Variants in BCAP29 observed in about 807,000 individuals in gnomAD.
BCAP29 encodes B-cell receptor-associated protein 29.
A neutral mutation model predicts 31.8 loss-of-function variants in BCAP29; 34 were observed. The ratio of observed to expected loss-of-function variants is 1.07; its 90% CI spans 0.81 to 1.42. The LOEUF (loss-of-function observed/expected upper bound fraction) is 1.42, where lower values mean the gene tolerates loss of function less well. Among genes scored for constraint, BCAP29 ranks in the 40% most tolerant of loss-of-function variants. The pLI is 0.00. For missense variants in BCAP29, 314 were observed against 269.2 expected, an observed-to-expected ratio of 1.17 and a Z score of -1.16; for synonymous variants, 104 against 91.3, an observed-to-expected ratio of 1.14 and a Z score of -0.79.
At chr7:107,586,725 AT>A (rs1367069378) in intron 3 of BCAP29, among the ~76,000 whole-genome samples, 1 of 143,392 alleles carries the variant, frequency 7.0e-6, no homozygotes, top group African/African-American at 2.6e-5. Flanking sequence ...ATATGTATTT[AT>A]TCTTTTTTTT....
At chr7:107,589,226 C>G (rs1563127611) in intron 3 of BCAP29, among the ~76,000 whole-genome samples, 1 of 152,108 alleles carries the variant, frequency 6.6e-6, no homozygotes, top group Non-Finnish European at 1.5e-5. Flanking sequence ...TATGCAGGAG[C>G]AGGGGATGGT....
At position 107,618,312 on chromosome 7, in the gene BCAP29, AT is replaced by A. The variant is rs754067990; in HGVS notation, c.691-9del. The A allele has an allele frequency of 6.5e-7, 1 of 1,544,894 alleles. No individual in the cohort carries two copies. Among genetic ancestry groups the A allele is most frequent in the Admixed American group, 2.0e-5 (1 of 49,798 alleles). ...CTCTTTGCTGTACTACATAAATCAT[AT>A]TTTTTTCCTTACAGGATCGTTTAGA... On this transcript the variant is annotated splice_polypyrimidine_tract_variant and intron_variant, in intron 7 of 7. Transcript: ENST00000005259.
rs1323906168 is a variant in BCAP29, at chr7:107,618,945, T to C, written c.*582T>C. The C allele has an allele frequency of 6.2e-6, 1 of 160,644 alleles. No homozygotes were observed. Among genetic ancestry groups the C allele is most frequent in the Non-Finnish European group, 1.4e-5 (1 of 73,464 alleles). 10.0% of individuals were successfully genotyped at this position (160,644 alleles called of 1,614,324 possible). ...AATAAGATAGCTATATTGATAATTA[T>C]ATTTTTGTTACTGTGCCCTTGCACA... is the stretch of plus-strand genomic sequence containing the variant. On this transcript the variant is annotated 3_prime_UTR_variant, in exon 8 of 8. Transcript: ENST00000005259.
At position 107,619,079 on chromosome 7, in the gene BCAP29, A is replaced by G. The variant is rs1814670403; in HGVS notation, c.*716A>G. On this transcript the variant is annotated 3_prime_UTR_variant, in exon 8 of 8. Coordinates refer to ENST00000005259, the MANE Select transcript of BCAP29 (RefSeq NM_018844.4). ...TTACATATATTTGTATAACTGCTAT[A>G]CCACTGAACTGAATTTATTTTACAA... 2.6e-5 allele frequency: 4 copies of G among 152,642 alleles called. No homozygotes were observed. Among genetic ancestry groups the G allele is most frequent in the Non-Finnish European group, 5.9e-5 (4 of 68,046 alleles). 9.5% of individuals were successfully genotyped at this position (152,642 alleles called of 1,614,324 possible).
chr7:107,598,783 TGCC>T (rs1234220754), intron 5 of BCAP29, among the ~76,000 whole-genome samples: 2 of 151,506 alleles, frequency 1.3e-5, no homozygotes, highest in East Asian at 3.9e-4. Flanking sequence ...ATCAAGTTGC[TGCC>T]ACTGGCCAGG....
intron 4 of BCAP29, 38 bp downstream of exon 4, chr7:107,594,143 C>T: frequency 6.5e-7 from 1 of 1,530,160 alleles, no homozygotes; most frequent in Non-Finnish European, 9.0e-7. Flanking sequence ...AATTTAAAAA[C>T]ATGACTTATG....
intron 3 of BCAP29, among the ~76,000 whole-genome samples, 159 bp downstream of exon 3, chr7:107,584,141 A>C (rs907591829): frequency 2.0e-5 from 3 of 152,248 alleles, no homozygotes; most frequent in African/African-American, 7.2e-5. Flanking sequence ...CAGTTGATAG[A>C]TACTACCATT....
At chr7:107,590,393 C>A (rs75101089) in intron 3 of BCAP29, among the ~76,000 whole-genome samples, 3,793 of 152,274 alleles carry the variant, frequency 0.025, 166 homozygotes, top group African/African-American at 0.086. Flanking sequence ...AGGATATTTA[C>A]ACTCTGTTTA....
intron 3 of BCAP29, among the ~76,000 whole-genome samples, chr7:107,593,469 T>A (rs1809249296): frequency 6.6e-6 from 1 of 152,224 alleles, no homozygotes; most frequent in African/African-American, 2.4e-5. Flanking sequence ...GTTAACAAAC[T>A]TATGCCAGTG....
At chr7:107,596,078 A>G in intron 5 of BCAP29, 76 bp downstream of exon 5, 1 of 1,288,516 alleles carries the variant, frequency 7.8e-7, no homozygotes, top group Admixed American at 2.8e-5. Flanking sequence ...CAGCATCAAA[A>G]AGAGCATTTT....
At chr7:107,620,937 A>C (rs2129301240), downstream of BCAP29, 1 of 152,318 alleles carries the variant, frequency 6.6e-6, no homozygotes, top group East Asian at 1.9e-4. Flanking sequence ...TGGATCTCTA[A>C]ATATTACCCA....
Position 107,618,842 on chromosome 7 carries a change from CA to C in BCAP29, c.*480del. The C allele has an allele frequency of 6.8e-6, 2 of 295,332 alleles. No homozygotes were observed. Among genetic ancestry groups the C allele is most frequent in the Non-Finnish European group, 1.3e-5 (2 of 158,454 alleles). 18.3% of individuals were successfully genotyped at this position (295,332 alleles called of 1,614,324 possible). On this transcript the variant is annotated 3_prime_UTR_variant, in exon 8 of 8. Coordinates refer to ENST00000005259, the MANE Select transcript of BCAP29 (RefSeq NM_018844.4). ...ATAAGGATAACTGATCAGAGTTATC[CA>C]CTGTATTTATAAGGAAGAGTCGGAA... is the stretch of plus-strand genomic sequence containing the variant.
chr7:107,615,051 T>C (rs1252848010), intron 7 of BCAP29, among the ~76,000 whole-genome samples: 1 of 152,216 alleles, frequency 6.6e-6, no homozygotes, highest in Non-Finnish European at 1.5e-5. Flanking sequence ...TCAGACATGC[T>C]TAGATCTTTG....
intron 5 of BCAP29, 178 bp from the exon 6 acceptor site, chr7:107,600,219 C>T (rs1158194414): frequency 6.3e-6 from 4 of 632,950 alleles, no homozygotes; most frequent in East Asian, 3.0e-5. Context: ...TTGTGTGTTT[C>T]CCAAATATTA....
intron 2 of BCAP29, among the ~76,000 whole-genome samples, chr7:107,582,315 G>A (rs565947171): frequency 1.3e-4 from 20 of 152,182 alleles, no homozygotes; most frequent in Non-Finnish European, 2.2e-4. Flanking sequence ...GTGTATATTT[G>A]CATATGATAT....
At chr7:107,622,336 C>G (rs1240785798), downstream of BCAP29, 5 of 156,650 alleles carry the variant, frequency 3.2e-5, no homozygotes, top group South Asian at 9.6e-4. Flanking sequence ...ATCAAACCAC[C>G]AAGACCTCAC....
At chr7:107,584,431 G>A (rs377545614) in intron 3 of BCAP29, among the ~76,000 whole-genome samples, 4 of 152,162 alleles carry the variant, frequency 2.6e-5, no homozygotes, top group East Asian at 1.9e-4. Flanking sequence ...AAACATGGCC[G>A]GGCGAGGTGG....
chr7:107,622,228 CA>C (rs199722961), downstream of BCAP29: 7 of 174,856 alleles, frequency 4.0e-5, no homozygotes, highest in African/African-American at 1.2e-4. Context: ...AAAACAAAAA[CA>C]AAAAAAACAC....
chr7:107,580,569 C>T (rs1281257527), intron 1 of BCAP29, 190 bp from the exon 2 acceptor site: 6 of 510,068 alleles, frequency 1.2e-5, no homozygotes, highest in South Asian at 2.8e-5. Flanking sequence ...TCCCACGACT[C>T]CCAGGGAGGT....
Sources: allele counts gnomAD v4.1 joint callset (sites outside exome capture counted in the v4.1 genomes callset), GRCh38; gene constraint gnomAD v4.1.1; transcripts MANE v1.5; gene names NCBI Gene and HGNC (gene_info 2026-07-23, HGNC 2026-07-21).